The following PAX5 variants were observed in gnomAD, a reference collection of about 807,000 sequenced individuals.
PAX5 encodes paired box 5.
Under a neutral mutation model 43.7 loss-of-function variants are expected in PAX5, and 9 were observed. The ratio of observed to expected loss-of-function variants is 0.21; its 90% confidence interval spans 0.12 to 0.36. The LOEUF (loss-of-function observed/expected upper bound fraction) is 0.36, where lower values mean the gene tolerates loss of function less well. Among genes scored for constraint, PAX5 ranks in the 10% least tolerant of loss-of-function variants. The pLI, the probability that PAX5 is intolerant of heterozygous loss-of-function variation, is 1.00. For missense variants in PAX5, 383 were observed against 532.7 expected, an observed-to-expected ratio of 0.72 and a Z score of 2.77; for synonymous variants, 228 against 214.3, an observed-to-expected ratio of 1.06 and a Z score of -0.56.
intron 6 of PAX5, among the ~76,000 whole-genome samples, chr9:36,927,961 C>T (rs1282147291): frequency 3.3e-5 from 5 of 152,286 alleles, no homozygotes; most frequent in African/African-American, 7.2e-5. Context: ...CCACCTGCCT[C>T]GGCCTCCCAA....
intron 5 of PAX5, among the ~76,000 whole-genome samples, chr9:36,981,184 A>AGG (rs143124222): frequency 0.13 from 12,784 of 99,146 alleles, 804 homozygotes; most frequent in African/African-American, 0.2. Context: ...AAAACAGCAA[A>AGG]GCCCCCCCCC....
intron 5 of PAX5, among the ~76,000 whole-genome samples, chr9:36,995,057 A>G (rs905000464): frequency 7.2e-5 from 11 of 152,296 alleles, no homozygotes; most frequent in Non-Finnish European, 1.6e-4. Flanking sequence ...GGGACAGCAC[A>G]CAGAGGGCCA....
In PAX5 at chr9:36,840,511, C is replaced by T. The variant is rs373328668; in HGVS notation, c.*49G>A. The T allele has an allele frequency of 1.3e-6, 2 of 1,544,010 alleles. No individual in the cohort carries two copies. The highest frequency in any genetic ancestry group is 8.8e-7 in the Non-Finnish European group (1 of 1,139,450). On this transcript the variant is annotated 3_prime_UTR_variant, in exon 10 of 10. Transcript: ENST00000358127. ...ATCTTCAGGAGGGCTGGGTGGCTGT[C>T]ACCCTCAATAGGTGCCATCAGTGTT... is the stretch of plus-strand genomic sequence containing the variant.
At chr9:36,897,580 T>C (rs1288039506) in intron 7 of PAX5, among the ~76,000 whole-genome samples, 2 of 150,808 alleles carry the variant, frequency 1.3e-5, no homozygotes, top group Admixed American at 1.3e-4. Flanking sequence ...ATTCTGCAGG[T>C]GAGAAGAAGA....
At chr9:36,940,990 G>T (rs1832002417) in intron 6 of PAX5, among the ~76,000 whole-genome samples, 1 of 152,192 alleles carries the variant, frequency 6.6e-6, no homozygotes, top group Admixed American at 6.5e-5. Flanking sequence ...GGTAATGAAG[G>T]CAGGAACAGG....
rs372764912 is a variant in PAX5 at position 36,881,992 on chromosome 9, G to C, written c.1012+12C>G. On this transcript the variant is annotated intron_variant, in intron 8 of 9. Transcript: ENST00000358127. Reference sequence around the variant, plus strand: ...GCTGCCTGCTGTGGAGACGCCGACAGTGCAAACTCACCAGGCACCATCCCT... The same window carrying C: ...GCTGCCTGCTGTGGAGACGCCGACACTGCAAACTCACCAGGCACCATCCCT... 2 of 1,601,798 alleles carry C rather than the reference G, an allele frequency of 1.2e-6. No homozygotes were observed. Among genetic ancestry groups the C allele is most frequent in the Non-Finnish European group, 1.7e-6 (2 of 1,173,178 alleles).
At chr9:36,852,872 G>C (rs1823297833) in intron 8 of PAX5, among the ~76,000 whole-genome samples, 1 of 152,170 alleles carries the variant, frequency 6.6e-6, no homozygotes, top group African/African-American at 2.4e-5. Context: ...CTGGGACCCT[G>C]GCCTATATTC....
At chr9:36,939,306 TG>T (rs1398838792) in intron 6 of PAX5, among the ~76,000 whole-genome samples, 1 of 152,180 alleles carries the variant, frequency 6.6e-6, no homozygotes, top group Non-Finnish European at 1.5e-5. Flanking sequence ...CTTAAAGCCC[TG>T]GGGGATGCCC....
At chr9:37,007,969 T>G (rs979172456) in intron 3 of PAX5, 6 of 152,200 alleles carry the variant, frequency 3.9e-5, no homozygotes, top group Admixed American at 2.6e-4. Context: ...AACCTCCGCC[T>G]CCCAGGTTTG....
intron 7 of PAX5, among the ~76,000 whole-genome samples, chr9:36,908,735 G>A (rs1276074145): frequency 6.6e-6 from 1 of 152,196 alleles, no homozygotes; most frequent in Non-Finnish European, 1.5e-5. Flanking sequence ...GGATGCTGGA[G>A]GCCCAGAGAC....
At chr9:37,010,577 T>C (rs999510) in intron 3 of PAX5, among the ~76,000 whole-genome samples, 82,588 of 151,952 alleles carry the variant, frequency 0.54, 23,147 homozygotes, top group Middle Eastern at 0.8. Context: ...AACATCACTC[T>C]TCCTTCTTTG....
rs1826498152 is a variant in PAX5, at chr9:36,882,233, C to T, written c.911-128G>A. 1 of 648,826 alleles carries T rather than the reference C, an allele frequency of 1.5e-6. No individual in the cohort carries two copies. Among genetic ancestry groups the T allele is most frequent in the Non-Finnish European group, 2.6e-6 (1 of 379,736 alleles). The allele number at this position is 648,826 out of a possible 1,614,324, so 40.2% of individuals were successfully genotyped here. ...CTGAACGGCAATGTGCCCCCAGCTCCCCCCTGTCGCTCACACGCTCTCACA... is the reference window on the plus strand; with the variant it reads ...CTGAACGGCAATGTGCCCCCAGCTCTCCCCTGTCGCTCACACGCTCTCACA... On this transcript the variant is annotated intron_variant, in intron 7 of 9. Transcript: ENST00000358127. The surrounding 1 kb of genome is among the most constrained non-coding windows in gnomAD (Gnocchi z 4.4).
At chr9:36,891,982 T>C (rs950193355) in intron 7 of PAX5, among the ~76,000 whole-genome samples, 1 of 152,196 alleles carries the variant, frequency 6.6e-6, no homozygotes, top group African/African-American at 2.4e-5. Flanking sequence ...TGTTTCAATT[T>C]TGGAAGCGTG....
At chr9:37,000,785 T>A (rs1360166) in intron 5 of PAX5, among the ~76,000 whole-genome samples, 87,262 of 151,992 alleles carry the variant, frequency 0.57, 25,305 homozygotes, top group Middle Eastern at 0.71. Flanking sequence ...TTGGTTCTTT[T>A]TAAACTGAGG....
At chr9:37,002,554 T>G in intron 5 of PAX5, 94 bp downstream of exon 5, 8 of 1,327,850 alleles carry the variant, frequency 6.0e-6, no homozygotes, top group African/African-American at 1.5e-5. Context: ...GTAAGGGGGG[T>G]GTTCGCGGGC....
intron 5 of PAX5, among the ~76,000 whole-genome samples, chr9:36,995,836 G>A (rs979416193): frequency 2.0e-5 from 3 of 152,116 alleles, no homozygotes; most frequent in Non-Finnish European, 4.4e-5. Context: ...CAGGCCCAGG[G>A]TGCTACCCTC....
At chr9:36,866,114 T>C (rs1293202255) in intron 8 of PAX5, among the ~76,000 whole-genome samples, 2 of 152,142 alleles carry the variant, frequency 1.3e-5, no homozygotes, top group East Asian at 1.9e-4. Context: ...TCATCAATTA[T>C]GGAGGAAACC....
At position 36,982,417 on chromosome 9, in the gene PAX5, C is replaced by T. The variant is rs570605936; in HGVS notation, c.605-15693G>A. On this transcript the variant is annotated intron_variant, in intron 5 of 9. Transcript: ENST00000358127. ...CCCAAGCATAGCCCTGCCAGGGAAC[C>T]CAGTCTCAGCCCTCAGGGAGCCCAT... 1.1e-4 allele frequency among the ~76,000 whole-genome samples: 17 copies of T among 152,300 alleles called. No individual in the cohort carries two copies. The South Asian group carries it at 3.5e-3, about 32-fold the overall frequency.
intron 5 of PAX5, among the ~76,000 whole-genome samples, chr9:36,999,757 G>T (rs1220043702): frequency 6.6e-6 from 1 of 152,176 alleles, no homozygotes; most frequent in Non-Finnish European, 1.5e-5. Flanking sequence ...TGGGCCAGCC[G>T]GCCAGTGTGC....
Sources: allele counts gnomAD v4.1 joint callset (sites outside exome capture counted in the v4.1 genomes callset), GRCh38; gene constraint gnomAD v4.1.1; non-coding constraint Gnocchi (gnomAD v3.1); transcripts MANE v1.5; gene names NCBI Gene and HGNC (gene_info 2026-07-23, HGNC 2026-07-21).